TEX11: variants seen among roughly 807,000 people sequenced by gnomAD.
TEX11 encodes the protein testis expressed 11, also known as testis-expressed protein 11.
Under a neutral mutation model 84.4 loss-of-function variants are expected in TEX11, and 7 were observed. That is an observed-to-expected ratio of 0.08 (90% CI 0.05 to 0.16). The LOEUF (loss-of-function observed/expected upper bound fraction) is 0.16, where lower values mean the gene tolerates loss of function less well. Ranked by LOEUF, TEX11 falls within the 10% of genes least tolerant of loss-of-function variation. The pLI, the probability that TEX11 is intolerant of heterozygous loss-of-function variation, is 1.00. For missense variants in TEX11, 551 were observed against 660.5 expected, an observed-to-expected ratio of 0.83 and a Z score of 1.82; for synonymous variants, 264 against 222.8, an observed-to-expected ratio of 1.18 and a Z score of -1.64.
chrX:70,901,876 C>T (rs999898098), intron 2 of TEX11, among the ~76,000 whole-genome samples: 6 of 112,664 alleles, frequency 5.3e-5, no homozygotes, highest in Non-Finnish European at 1.1e-4. Context: ...GTAGTGAATA[C>T]TGCAGGCAAC....
intron 13 of TEX11, among the ~76,000 whole-genome samples, chrX:70,704,079 ATCTCTCTC>A (rs376720264): frequency 1.0e-5 from 1 of 96,536 alleles, no homozygotes; most frequent in Admixed American, 1.1e-4. Context: ...AGTGTGTGGT[ATCTCTCTC>A]TCTCTCTCTC....
chrX:70,713,947 C>T (rs1256812974), intron 13 of TEX11, among the ~76,000 whole-genome samples: 11 of 111,181 alleles, frequency 9.9e-5, no homozygotes, highest in Admixed American at 1.9e-4. Context: ...AAATTTCCCT[C>T]TACACACTGC....
chrX:70,758,762 T>C (rs1310430017), intron 9 of TEX11, among the ~76,000 whole-genome samples: 1 of 111,261 alleles, frequency 9.0e-6, no homozygotes, highest in African/African-American at 3.3e-5. Flanking sequence ...AAGAAATAAC[T>C]AAGATCAGAG....
chrX:70,674,342 A>C (rs1170673624), intron 15 of TEX11, among the ~76,000 whole-genome samples: 2 of 111,980 alleles, frequency 1.8e-5, no homozygotes, highest in South Asian at 7.6e-4. Context: ...CCTATTGTGA[A>C]TAGTGCTGCA....
At chrX:70,881,005 C>CAAAA (rs11284342) in intron 2 of TEX11, among the ~76,000 whole-genome samples, 7 of 46,226 alleles carry the variant, frequency 1.5e-4, no homozygotes, top group East Asian at 7.3e-4. Flanking sequence ...AGACATCATC[C>CAAAA]AAAAAAAAAA....
chrX:70,585,209 A>G (rs1363627259), intron 25 of TEX11, among the ~76,000 whole-genome samples: 2 of 112,353 alleles, frequency 1.8e-5, no homozygotes, highest in Non-Finnish European at 3.8e-5. Context: ...GCAAAGATCA[A>G]TTGTGTTTCT....
intron 15 of TEX11, among the ~76,000 whole-genome samples, chrX:70,670,824 AACG>A (rs982445370): frequency 8.9e-6 from 1 of 112,196 alleles, no homozygotes; most frequent in African/African-American, 3.2e-5. Flanking sequence ...TTAAAACAAC[AACG>A]ACAAAAATTT....
chrX:70,623,889 T>C, intron 20 of TEX11, 61 bp downstream of exon 20: 2 of 993,871 alleles, frequency 2.0e-6, no homozygotes, highest in Non-Finnish European at 2.8e-6. Flanking sequence ...ATATGATTTA[T>C]ATTGTAAGTT....
chrX:70,757,875 C>A (rs1003858420), intron 9 of TEX11, among the ~76,000 whole-genome samples: 1 of 110,963 alleles, frequency 9.0e-6, no homozygotes, highest in Admixed American at 9.6e-5. Flanking sequence ...TTCAGGAGAC[C>A]CATCTCACGT....
At chrX:70,874,395 CTTTTTTTTTTTTT>C (rs34210812) in intron 3 of TEX11, among the ~76,000 whole-genome samples, 1 of 48,066 alleles carries the variant, frequency 2.1e-5, no homozygotes, top group South Asian at 1.8e-3. Flanking sequence ...TGATGACTTC[CTTTTTTTTTTTTT>C]TTTTTTTTTT....
At chrX:70,833,818 T>A (rs1225823925) in intron 7 of TEX11, among the ~76,000 whole-genome samples, 1 of 111,796 alleles carries the variant, frequency 8.9e-6, no homozygotes, top group East Asian at 2.8e-4. Flanking sequence ...AGGAGTCATT[T>A]ACTTTTTTCT....
At chrX:70,639,557 C>A (rs1034567004) in intron 17 of TEX11, among the ~76,000 whole-genome samples, 47 of 111,827 alleles carry the variant, frequency 4.2e-4, no homozygotes, top group African/African-American at 1.5e-3. Context: ...TCTCCCAGTA[C>A]GCAGCTGGAG....
intron 7 of TEX11, among the ~76,000 whole-genome samples, chrX:70,837,114 T>C (rs1264597266): frequency 9.0e-6 from 1 of 111,543 alleles, no homozygotes; most frequent in Non-Finnish European, 1.9e-5. Context: ...TAAAACTAAA[T>C]ATACCCTTTA....
intron 15 of TEX11, among the ~76,000 whole-genome samples, chrX:70,678,056 C>T (rs1172865091): frequency 9.0e-6 from 1 of 110,709 alleles, no homozygotes; most frequent in Non-Finnish European, 1.9e-5. Flanking sequence ...TTGTGATCTG[C>T]CCACCTCAGC....
chrX:70,523,265 G>T, the TEX11 span, among the ~76,000 whole-genome samples: 1 of 109,919 alleles, frequency 9.1e-6, no homozygotes, highest in African/African-American at 3.3e-5. Context: ...AGATTGGAAA[G>T]GGTCAAGCAG....
rs191164809 is a variant in TEX11 at position 70,701,823 on chromosome X, C to A, written c.1005-18998G>T. ...AGTTGACTCCAGTCGTCAAGGATGA[C>A]TTGGAGGGGTTCAAGACTTCAGTGG... is the stretch of plus-strand genomic sequence containing the variant. On this transcript the variant is annotated intron_variant, in intron 13 of 29. Transcript: ENST00000374333. Among the ~76,000 whole-genome samples, 6 of 111,309 alleles carry A rather than the reference C, an allele frequency of 5.4e-5. No individual in the cohort carries two copies. The East Asian group carries it at 1.4e-3, about 26-fold the overall frequency.
At chrX:70,676,515 T>G (rs927110223) in intron 15 of TEX11, among the ~76,000 whole-genome samples, 4 of 112,392 alleles carry the variant, frequency 3.6e-5, no homozygotes, top group African/African-American at 1.3e-4. Context: ...TTTATCTGGC[T>G]GCTTTTAGGA....
intron 28 of TEX11, among the ~76,000 whole-genome samples, chrX:70,535,093 A>T (rs1057207547): frequency 6.2e-5 from 7 of 112,008 alleles, no homozygotes; most frequent in African/African-American, 2.3e-4. Flanking sequence ...TGTGACTGAC[A>T]TCTTTCACTT....
chrX:70,883,299 T>C (rs1325917977), intron 2 of TEX11, among the ~76,000 whole-genome samples: 2 of 111,805 alleles, frequency 1.8e-5, no homozygotes. Context: ...AAATGCAGTC[T>C]ACAGCTGGGC....
Sources: gnomAD v4.1 joint callset for allele counts (sites outside exome capture counted in the v4.1 genomes callset) on GRCh38, gnomAD v4.1.1 for gene constraint, MANE v1.5 for transcripts, NCBI Gene and HGNC (gene_info 2026-07-23, HGNC 2026-07-21) for gene names.